Variants in HMCN1 observed in about 807,000 individuals in gnomAD.
The protein encoded by HMCN1 is hemicentin 1, also known as hemicentin-1.
HMCN1 carries 321 observed loss-of-function variants against 625.9 expected under a neutral mutation model. The observed-to-expected ratio is 0.51, with a 90% CI of 0.47 to 0.56. The LOEUF (loss-of-function observed/expected upper bound fraction) is 0.56. HMCN1 is among the 20% of genes least tolerant of loss of function. The pLI is 0.00. For synonymous variants in HMCN1, 2,425 were observed against 2,417.6 expected, an observed-to-expected ratio of 1.00 and a Z score of -0.09; for missense variants, 6,588 against 6,887.3, an observed-to-expected ratio of 0.96 and a Z score of 1.54.
Position 186,187,905 on chromosome 1 carries a change from G to A in HMCN1, c.16437G>A (p.Gln5479=), listed in dbSNP as rs771893221. ...TCQDIDECLE[Q]NVHCGPNRMC... is the part of the protein sequence containing the mutation. ...TAGATATCGATGAATGTCTGGAGCA[G>A]AATGTGCACTGTGGACCCAATCGCA... Residue 5479 remains glutamine (Q), a synonymous_variant, in exon 106 of 107, where the codon CAG becomes CAA. Coordinates refer to ENST00000271588, the MANE Select transcript of HMCN1 (RefSeq NM_031935.3). 1 of 1,613,804 alleles carries A rather than the reference G, an allele frequency of 6.2e-7. No homozygotes were observed.
At chr1:186,054,310 A>G (rs1320724732) in intron 44 of HMCN1, among the ~76,000 whole-genome samples, 2 of 152,004 alleles carry the variant, frequency 1.3e-5, no homozygotes, top group Non-Finnish European at 2.9e-5. Context: ...ACAATATGTA[A>G]AAACATTTTA....
intron 1 of HMCN1, among the ~76,000 whole-genome samples, chr1:185,789,944 T>A (rs1413085170): frequency 6.6e-6 from 1 of 152,208 alleles, no homozygotes; most frequent in African/African-American, 2.4e-5. Context: ...TAAAAGAGCT[T>A]CAGTACTTGA....
chr1:186,049,544 AC>A (rs1656810577), intron 42 of HMCN1, among the ~76,000 whole-genome samples: 1 of 151,918 alleles, frequency 6.6e-6, no homozygotes, highest in Admixed American at 6.6e-5. Flanking sequence ...TATAGTCACA[AC>A]TTTTGCCTCA....
At chr1:185,745,691 T>C (rs1454549773) in intron 1 of HMCN1, among the ~76,000 whole-genome samples, 1 of 152,242 alleles carries the variant, frequency 6.6e-6, no homozygotes, top group Non-Finnish European at 1.5e-5. Flanking sequence ...TGATGGTGAA[T>C]TTATCAAAGT....
At chr1:185,792,194 G>A (rs757436227) in intron 1 of HMCN1, among the ~76,000 whole-genome samples, 1 of 152,166 alleles carries the variant, frequency 6.6e-6, no homozygotes, top group African/African-American at 2.4e-5. Flanking sequence ...CTTGTAAGGG[G>A]CCATCACCAT....
chr1:185,795,208 G>A (rs576025860), intron 1 of HMCN1, among the ~76,000 whole-genome samples: 1 of 152,234 alleles, frequency 6.6e-6, no homozygotes, highest in Non-Finnish European at 1.5e-5. Context: ...ATAGTAATTG[G>A]CCACTAGCTG....
chr1:185,851,029 A>T (rs532508061), intron 2 of HMCN1, among the ~76,000 whole-genome samples: 2 of 152,148 alleles, frequency 1.3e-5, no homozygotes, highest in South Asian at 4.1e-4. Flanking sequence ...TTAACACTAA[A>T]CTAAAGGATA....
chr1:186,053,893 T>C lies in HMCN1; in HGVS notation c.6769T>C (p.Ser2257Pro), dbSNP rs1269410056. The C allele has an allele frequency of 4.3e-6, 7 of 1,612,612 alleles. No individual in the cohort carries two copies. The highest frequency in any genetic ancestry group is 1.7e-5 in the Admixed American group (1 of 59,802). Residue 2257 changes from serine to proline, a missense_variant, in exon 44 of 107, where the codon TCA (serine) becomes CCA (proline). This residue lies in a region of HMCN1 where 4,628 missense variants were observed against 4,853.1 expected (regional missense o/e 0.95). Coordinates refer to ENST00000271588, the MANE Select transcript of HMCN1 (RefSeq NM_031935.3). ...ILSGGRQLQISIAEKSDAALY... is the reference protein window; with the variant it reads ...ILSGGRQLQIPIAEKSDAALY... The stretch of plus-strand genomic sequence containing the variant: ...ATCTGGGGGCAGGCAATTACAAATT[T>C]CAATTGCTGAAAAGTCTGATGCAGC...
intron 1 of HMCN1, among the ~76,000 whole-genome samples, chr1:185,823,406 A>T (rs1291002187): frequency 5.3e-5 from 8 of 152,186 alleles, no homozygotes; most frequent in Non-Finnish European, 7.4e-5. Flanking sequence ...ATATAAAAAA[A>T]TTGTTCTTTG....
At chr1:185,797,643 T>C (rs1273981744) in intron 1 of HMCN1, among the ~76,000 whole-genome samples, 2 of 152,146 alleles carry the variant, frequency 1.3e-5, no homozygotes, top group Non-Finnish European at 2.9e-5. Context: ...ACCTAGTTGT[T>C]TTATAGTCTC....
chr1:185,882,683 A>C (rs1558037075), intron 4 of HMCN1, among the ~76,000 whole-genome samples: 1 of 152,162 alleles, frequency 6.6e-6, no homozygotes, highest in Non-Finnish European at 1.5e-5. Flanking sequence ...TGATGGAAAT[A>C]GCAAGTGAAG....
intron 52 of HMCN1, among the ~76,000 whole-genome samples, chr1:186,072,136 C>T (rs150564791): frequency 1.1e-4 from 16 of 152,216 alleles, no homozygotes; most frequent in Non-Finnish European, 1.6e-4. Context: ...TGAACAAAAA[C>T]GTACTATTTT....
chr1:185,873,955 A>T (rs890299699), intron 4 of HMCN1, among the ~76,000 whole-genome samples: 12 of 152,056 alleles, frequency 7.9e-5, no homozygotes, highest in African/African-American at 2.7e-4. Flanking sequence ...AGAAAAAGTT[A>T]TAACTTTTGT....
chr1:185,920,519 A>C (rs1266667602), intron 6 of HMCN1, among the ~76,000 whole-genome samples: 1 of 152,176 alleles, frequency 6.6e-6, no homozygotes, highest in African/African-American at 2.4e-5. Context: ...CTTATTTTGC[A>C]TACTTTATTA....
Position 186,061,874 on chromosome 1 carries a change from C to G in HMCN1, c.7336C>G (p.Gln2446Glu). 1 of 1,612,206 alleles carries G rather than the reference C, an allele frequency of 6.2e-7. No individual in the cohort carries two copies. The highest frequency in any genetic ancestry group is 8.5e-7 in the Non-Finnish European group (1 of 1,178,614). ...LSGGRMLRLM[Q>E]TTMEDAGQYT... The stretch of plus-strand genomic sequence containing the variant: ...AGGAGGCAGGATGCTACGGCTGATG[C>G]AGACCACAATGGAAGATGCTGGCCA... Residue 2446 changes from glutamine (Q) to glutamate (E), a missense_variant, in exon 47 of 107, where the codon CAG (glutamine) becomes GAG (glutamate). This residue lies in a region of HMCN1 where 4,628 missense variants were observed against 4,853.1 expected (regional missense o/e 0.95). Transcript: ENST00000271588.
intron 1 of HMCN1, among the ~76,000 whole-genome samples, chr1:185,764,140 A>C (rs1030760908): frequency 2.1e-4 from 32 of 152,178 alleles, no homozygotes; most frequent in Admixed American, 2.1e-3. Flanking sequence ...GGATTCTATA[A>C]AATAAATTCA....
chr1:185,854,179 A>C (rs1055100601), intron 2 of HMCN1, among the ~76,000 whole-genome samples: 2 of 152,172 alleles, frequency 1.3e-5, no homozygotes, highest in Non-Finnish European at 2.9e-5. Flanking sequence ...AGCTGCAGCT[A>C]AAAAACAAAC....
chr1:186,054,126 T>C, intron 44 of HMCN1, 140 bp downstream of exon 44: 1 of 897,008 alleles, frequency 1.1e-6, no homozygotes, highest in Admixed American at 2.0e-5. Context: ...ATTTAAATTG[T>C]GCTGACATAA....
At chr1:185,942,144 T>C (rs906430573) in intron 11 of HMCN1, among the ~76,000 whole-genome samples, 13 of 137,318 alleles carry the variant, frequency 9.5e-5, no homozygotes, top group Admixed American at 8.9e-4. Flanking sequence ...TGAGCCGAGA[T>C]CACGCCACTG....
Sources: allele counts gnomAD v4.1 joint callset (sites outside exome capture counted in the v4.1 genomes callset), GRCh38; gene constraint gnomAD v4.1.1; regional missense constraint gnomAD v4.1.1; transcripts MANE v1.5; gene names NCBI Gene and HGNC (gene_info 2026-07-23, HGNC 2026-07-21).